The following COQ10B variants were observed in gnomAD, a reference collection of about 807,000 sequenced individuals.
COQ10B encodes the protein coenzyme Q-binding protein COQ10 homolog B, mitochondrial.
COQ10B carries 12 observed loss-of-function variants against 27.6 expected under a neutral mutation model. The observed-to-expected ratio is 0.43, with a 90% CI of 0.28 to 0.70. The LOEUF (loss-of-function observed/expected upper bound fraction) is 0.70. Among genes scored for constraint, COQ10B ranks in the 30% least tolerant of loss-of-function variants. COQ10B has a pLI of 0.17. For missense variants in COQ10B, 278 were observed against 288.7 expected (o/e 0.96, Z 0.27); for synonymous variants, 115 against 103.0 (o/e 1.12, Z -0.71).
intron 4 of COQ10B, among the ~76,000 whole-genome samples, chr2:197,473,411 AAAAAATATATATAT>A (rs1297025408): frequency 0.016 from 1,004 of 61,196 alleles, 59 homozygotes; most frequent in African/African-American, 0.06. Context: ...ACAAAAAAAA[AAAAAATATATATAT>A]ATATATATAT....
Position 197,462,649 on chromosome 2 carries a change from A to C in COQ10B, c.365A>C (p.Lys122Thr), listed in dbSNP as rs1217120245. ...ATATCAAAGAGATCTGGATATTGTAAAACAAGATTAGAAATTGGATTTCCA... is the reference window on the plus strand; with the variant it reads ...ATATCAAAGAGATCTGGATATTGTACAACAAGATTAGAAATTGGATTTCCA... The part of the protein sequence containing the change: ...DVISKRSGYC[K>T]TRLEIGFPPV... The change falls in exon 3 of 5, where the codon AAA (lysine) becomes ACA (threonine). Residue 122 changes from lysine (K) to threonine (T), a missense_variant. Coordinates refer to ENST00000263960, the MANE Select transcript of COQ10B (RefSeq NM_025147.5). The C allele has an allele frequency of 6.2e-7, 1 of 1,603,624 alleles. No individual in the cohort carries two copies. The highest frequency in any genetic ancestry group is 1.3e-5 in the African/African-American group (1 of 74,520).
intron 4 of COQ10B, among the ~76,000 whole-genome samples, chr2:197,471,656 T>C (rs1236553267): frequency 2.0e-5 from 3 of 151,942 alleles, no homozygotes; most frequent in East Asian, 3.9e-4. Flanking sequence ...AATAGGACAA[T>C]TGGGGCCAAG....
intron 3 of COQ10B, among the ~76,000 whole-genome samples, chr2:197,468,693 G>T (rs879862218): frequency 6.7e-6 from 1 of 148,460 alleles, no homozygotes; most frequent in Admixed American, 6.7e-5. Context: ...GGTGGTTCAC[G>T]CCTGCTGTAA....
At chr2:197,466,933 G>A (rs915562369) in intron 3 of COQ10B, among the ~76,000 whole-genome samples, 1 of 150,170 alleles carries the variant, frequency 6.7e-6, no homozygotes, top group African/African-American at 2.5e-5. Context: ...TTGTTCCTGG[G>A]TTCAGTTTCC....
At chr2:197,473,478 GTA>G (rs1265561483) in intron 4 of COQ10B, among the ~76,000 whole-genome samples, 47 of 86,202 alleles carry the variant, frequency 5.5e-4, no homozygotes, top group African/African-American at 1.9e-3. Context: ...ATATATACAC[GTA>G]TATATATGTA....
chr2:197,453,772 C>G, intron 1 of COQ10B, 108 bp downstream of exon 1: 1 of 1,118,878 alleles, frequency 8.9e-7, no homozygotes, highest in Middle Eastern at 2.0e-4. Flanking sequence ...CGGTGCATTT[C>G]CGTGTCTTTA....
chr2:197,454,644 G>T (rs1325953553), intron 1 of COQ10B, among the ~76,000 whole-genome samples: 1 of 151,846 alleles, frequency 6.6e-6, no homozygotes, highest in African/African-American at 2.4e-5. Context: ...GCAGAATAAC[G>T]CCATCATACT....
intron 3 of COQ10B, among the ~76,000 whole-genome samples, chr2:197,468,573 A>G (rs756525033): frequency 5.5e-4 from 84 of 152,162 alleles, no homozygotes; most frequent in Non-Finnish European, 8.5e-4. Context: ...GGCAGAATGT[A>G]TTATCCTAAA....
intron 1 of COQ10B, 112 bp downstream of exon 1, chr2:197,453,776 G>T (rs1027619926): frequency 4.7e-6 from 5 of 1,075,252 alleles, no homozygotes; most frequent in Non-Finnish European, 4.1e-6. Context: ...GCATTTCCGT[G>T]TCTTTAGAGG....
intron 3 of COQ10B, among the ~76,000 whole-genome samples, chr2:197,463,166 G>A (rs982364558): frequency 1.3e-5 from 2 of 152,068 alleles, no homozygotes; most frequent in African/African-American, 4.8e-5. Context: ...AGTGGTGAGA[G>A]GATAAAGAAA....
chr2:197,458,358 C>T (rs2085722438), intron 1 of COQ10B, among the ~76,000 whole-genome samples: 1 of 152,088 alleles, frequency 6.6e-6, no homozygotes, highest in Non-Finnish European at 1.5e-5. Flanking sequence ...ATGGCTAACT[C>T]CTTGTCCACT....
chr2:197,461,627 CAGAGAG>C (rs66918493), intron 2 of COQ10B, among the ~76,000 whole-genome samples: 4,197 of 129,400 alleles, frequency 0.032, 189 homozygotes, highest in African/African-American at 0.1. Context: ...TACAGGGTCT[CAGAGAG>C]AGAGAGAGAG....
intron 4 of COQ10B, among the ~76,000 whole-genome samples, chr2:197,473,434 A>ATATATATATATATG (rs1559296051): frequency 9.2e-6 from 1 of 109,212 alleles, no homozygotes; most frequent in African/African-American, 3.2e-5. Context: ...ATATATATAT[A>ATATATATATATATG]TATATATACA....
chr2:197,465,086 C>T (rs1303771195), intron 3 of COQ10B, among the ~76,000 whole-genome samples: 3 of 151,916 alleles, frequency 2.0e-5, no homozygotes, highest in African/African-American at 7.3e-5. Flanking sequence ...AGGGTTTCAC[C>T]GTGTTAACCA....
rs774030668 is a variant in COQ10B at position 197,463,169 on chromosome 2, TAAAG to T, written c.447+443_447+446del. Among the ~76,000 whole-genome samples the T allele has an allele frequency of 1.3e-3, 199 of 152,112 alleles. 2 individuals are homozygous for T. The highest frequency in any genetic ancestry group is 1.1e-3 in the Non-Finnish European group (74 of 67,982). ...GAAAAAAATTAAAGTGGTGAGAGGA[TAAAG>T]AAAGGTAGAAAAGATATAGGCATAG... is the stretch of plus-strand genomic sequence containing the variant. On this transcript the variant is annotated intron_variant, in intron 3 of 4. Coordinates refer to ENST00000263960, the MANE Select transcript of COQ10B (RefSeq NM_025147.5).
Position 197,470,138 on chromosome 2 carries a change from T to G in COQ10B, c.516T>G (p.Pro172=). ...TTTGGCGTTTTAGCCCAGGTCTTCC[T>G]GGCTACCCAAGAACTTGTACCTTGG... ...ETIWRFSPGL[P]GYPRTCTLDF... is the part of the protein sequence containing the mutation. The change falls in exon 4 of 5, where the codon CCT becomes CCG. Residue 172 remains proline, a synonymous_variant. Transcript: ENST00000263960. 1 of 1,613,050 alleles carries G rather than the reference T, an allele frequency of 6.2e-7. No individual in the cohort carries two copies. The highest frequency in any genetic ancestry group is 8.5e-7 in the Non-Finnish European group (1 of 1,179,116).
intron 2 of COQ10B, among the ~76,000 whole-genome samples, chr2:197,461,992 G>A (rs1024826103): frequency 2.0e-5 from 3 of 151,988 alleles, no homozygotes; most frequent in East Asian, 3.9e-4. Flanking sequence ...TCTTTAGGCC[G>A]GGCGCGGTGG....
Position 197,453,626 on chromosome 2 carries a change from G to C in COQ10B, c.66G>C (p.Ala22=). The change falls in exon 1 of 5, where the codon GCG becomes GCC. Residue 22 remains alanine (A), a synonymous_variant. Transcript: ENST00000263960. ...RVVSGCRPKS[A]TAAGAQAPVR... is the part of the protein sequence containing the mutation. ...TCTCGGGATGCCGTCCGAAGTCGGC[G>C]ACAGCGGCCGGGGCGCAGGCGCCCG... 1 of 1,614,018 alleles carries C rather than the reference G, an allele frequency of 6.2e-7. No homozygotes were observed. Among genetic ancestry groups the C allele is most frequent in the Non-Finnish European group, 8.5e-7 (1 of 1,180,006 alleles).
At chr2:197,455,662 C>T (rs2085689726) in intron 1 of COQ10B, among the ~76,000 whole-genome samples, 1 of 150,188 alleles carries the variant, frequency 6.7e-6, no homozygotes, top group Non-Finnish European at 1.5e-5. Flanking sequence ...CAGACCCTGT[C>T]TCAAAAAATA....
Sources: allele counts gnomAD v4.1 joint callset (sites outside exome capture counted in the v4.1 genomes callset), GRCh38; gene constraint gnomAD v4.1.1; transcripts MANE v1.5; gene names NCBI Gene and HGNC (gene_info 2026-07-23, HGNC 2026-07-21).